NXPH1: variants seen among roughly 807,000 people sequenced by gnomAD.
NXPH1 encodes neurexophilin-1.
Under a neutral mutation model 23.7 loss-of-function variants are expected in NXPH1, and 5 were observed. That is an observed-to-expected ratio of 0.21 (90% confidence interval 0.11 to 0.44). NXPH1 has a LOEUF of 0.44. Among genes scored for constraint, NXPH1 ranks in the 20% least tolerant of loss-of-function variants. The probability of loss-of-function intolerance (pLI) is 0.99; values close to 1 mark genes in which losing one functional copy is unlikely to be tolerated. For synonymous variants in NXPH1, 144 were observed against 122.2 expected, an observed-to-expected ratio of 1.18 and a Z score of -1.18; for missense variants, 324 against 321.6, an observed-to-expected ratio of 1.01 and a Z score of -0.06.
chr7:8,605,323 T>A (rs1819461545), intron 2 of NXPH1, among the ~76,000 whole-genome samples: 1 of 152,128 alleles, frequency 6.6e-6, no homozygotes, highest in Non-Finnish European at 1.5e-5. Context: ...TTATTTTCAT[T>A]ACTGTCATTT....
intron 2 of NXPH1, among the ~76,000 whole-genome samples, chr7:8,516,649 C>G (rs757931935): frequency 2.6e-5 from 4 of 152,054 alleles, no homozygotes; most frequent in Non-Finnish European, 4.4e-5. Flanking sequence ...ATTGCTTCAT[C>G]TAAGTTATTC....
intron 2 of NXPH1, among the ~76,000 whole-genome samples, chr7:8,519,921 T>C (rs1305179969): frequency 2.0e-5 from 3 of 152,184 alleles, no homozygotes; most frequent in Non-Finnish European, 2.9e-5. Context: ...AGAAAGTTTA[T>C]TGATGAAAAC....
intron 2 of NXPH1, among the ~76,000 whole-genome samples, chr7:8,461,798 C>T (rs1356007067): frequency 7.2e-6 from 1 of 138,000 alleles, no homozygotes; most frequent in East Asian, 2.4e-4. Context: ...CCACTGCAGT[C>T]CGCAGTCCGG....
chr7:8,525,091 T>C (rs567081293), intron 2 of NXPH1, among the ~76,000 whole-genome samples: 2 of 152,302 alleles, frequency 1.3e-5, no homozygotes, highest in South Asian at 4.1e-4. Flanking sequence ...ACTTGTTGAA[T>C]GGCTTTGCCC....
At chr7:8,554,839 G>A (rs1818331413) in intron 2 of NXPH1, among the ~76,000 whole-genome samples, 1 of 151,660 alleles carries the variant, frequency 6.6e-6, no homozygotes, top group African/African-American at 2.4e-5. Flanking sequence ...AAAAATGAAA[G>A]AAACAATCAA....
intron 2 of NXPH1, among the ~76,000 whole-genome samples, chr7:8,601,498 T>G (rs558883550): frequency 2.0e-5 from 3 of 152,320 alleles, no homozygotes; most frequent in Admixed American, 6.5e-5. Flanking sequence ...TGAAAAGTTC[T>G]CAGTCCCTTC....
intron 2 of NXPH1, among the ~76,000 whole-genome samples, chr7:8,712,343 G>A (rs191244042): frequency 1.3e-5 from 2 of 152,190 alleles, no homozygotes; most frequent in Non-Finnish European, 2.9e-5. Flanking sequence ...AAATCTTTGT[G>A]TCAGCACCTA....
intron 2 of NXPH1, among the ~76,000 whole-genome samples, chr7:8,670,457 C>T (rs1440804454): frequency 1.3e-5 from 2 of 152,194 alleles, no homozygotes; most frequent in African/African-American, 4.8e-5. Context: ...TTGTAACTTA[C>T]AGATTTAATG....
chr7:8,460,166 G>A (rs1477770577), intron 2 of NXPH1, among the ~76,000 whole-genome samples: 1 of 152,088 alleles, frequency 6.6e-6, no homozygotes, highest in East Asian at 1.9e-4. Context: ...CTAGATTTTT[G>A]AAGTTAAACT....
chr7:8,587,133 G>C (rs781288409), intron 2 of NXPH1, among the ~76,000 whole-genome samples: 4 of 152,110 alleles, frequency 2.6e-5, no homozygotes, highest in Non-Finnish European at 5.9e-5. Flanking sequence ...TCATTTCCTA[G>C]TCATATCTCA....
At chr7:8,566,390 G>T (rs1232740343) in intron 2 of NXPH1, among the ~76,000 whole-genome samples, 1 of 151,986 alleles carries the variant, frequency 6.6e-6, no homozygotes, top group East Asian at 2.0e-4. Context: ...GAATACCTAG[G>T]AAAGTGGTAA....
At chr7:8,672,801 G>A (rs750958471) in intron 2 of NXPH1, among the ~76,000 whole-genome samples, 1 of 152,124 alleles carries the variant, frequency 6.6e-6, no homozygotes, top group Non-Finnish European at 1.5e-5. Flanking sequence ...CTTTCAAACG[G>A]TTCTTTCTTA....
intron 2 of NXPH1, among the ~76,000 whole-genome samples, chr7:8,453,027 C>CA (rs1230159399): frequency 1.3e-5 from 2 of 151,996 alleles, no homozygotes; most frequent in Non-Finnish European, 2.9e-5. Context: ...CTGGCAAGAA[C>CA]AGAGTTAATA....
chr7:8,566,503 A>G (rs1376990064), intron 2 of NXPH1, among the ~76,000 whole-genome samples: 4 of 151,764 alleles, frequency 2.6e-5, no homozygotes, highest in Non-Finnish European at 5.9e-5. Context: ...TTGGGTAGGT[A>G]GCATCTAATG....
chr7:8,495,250 T>A (rs908591031), intron 2 of NXPH1, among the ~76,000 whole-genome samples: 1 of 151,596 alleles, frequency 6.6e-6, no homozygotes, highest in African/African-American at 2.4e-5. Flanking sequence ...GTAGAATCCT[T>A]TTTCCTCAGA....
intron 2 of NXPH1, among the ~76,000 whole-genome samples, chr7:8,594,451 G>A (rs903551850): frequency 6.6e-6 from 1 of 152,146 alleles, no homozygotes; most frequent in Non-Finnish European, 1.5e-5. Flanking sequence ...AACAGAGAAA[G>A]CATATTTTTT....
chr7:8,589,429 C>T (rs1183844807), intron 2 of NXPH1, among the ~76,000 whole-genome samples: 1 of 152,058 alleles, frequency 6.6e-6, no homozygotes, highest in Non-Finnish European at 1.5e-5. Context: ...TGCACACCAG[C>T]AAACAGGAGA....
At position 8,593,214 on chromosome 7, in the gene NXPH1, A is replaced by G. The variant is rs539384384; in HGVS notation, c.54+157447A>G. On this transcript the variant is annotated intron_variant, in intron 2 of 2. Coordinates refer to ENST00000405863, the MANE Select transcript of NXPH1 (RefSeq NM_152745.3). ...ATTTGTCTTGTTTCCCTCCACAGGA[A>G]TGATGGACTTACAGGAGGCATTCGG... is the stretch of plus-strand genomic sequence containing the variant. 8.7e-4 allele frequency among the ~76,000 whole-genome samples: 131 copies of G among 151,314 alleles called. 1 individual carries two copies. Among genetic ancestry groups the G allele is most frequent in the African/African-American group, 3.0e-3 (124 of 41,182 alleles).
At chr7:8,616,498 T>C (rs1222633824) in intron 2 of NXPH1, among the ~76,000 whole-genome samples, 1 of 152,114 alleles carries the variant, frequency 6.6e-6, no homozygotes, top group Non-Finnish European at 1.5e-5. Flanking sequence ...GAGGTTATGT[T>C]TACTGCTGAA....
Sources: gnomAD v4.1 joint callset for allele counts (sites outside exome capture counted in the v4.1 genomes callset) on GRCh38, gnomAD v4.1.1 for gene constraint, MANE v1.5 for transcripts, NCBI Gene and HGNC (gene_info 2026-07-23, HGNC 2026-07-21) for gene names.